SLC38A6: variants seen among roughly 807,000 people sequenced by gnomAD.
SLC38A6 encodes the protein N system amino acid transporter NAT-1.
SLC38A6 carries 73 observed loss-of-function variants against 65.0 expected under a neutral mutation model. The ratio of observed to expected loss-of-function variants is 1.12; its 90% CI spans 0.93 to 1.37. The LOEUF is 1.37. Among genes scored for constraint, SLC38A6 ranks in the 40% most tolerant of loss-of-function variants. SLC38A6 has a pLI of 0.00. For synonymous variants in SLC38A6, 183 were observed against 178.8 expected, an observed-to-expected ratio of 1.02 and a Z score of -0.19; for missense variants, 561 against 531.1, an observed-to-expected ratio of 1.06 and a Z score of -0.55.
intron 5 of SLC38A6, among the ~76,000 whole-genome samples, chr14:61,022,632 T>C (rs1054168371): frequency 6.6e-6 from 1 of 152,102 alleles, no homozygotes; most frequent in Non-Finnish European, 1.5e-5. Flanking sequence ...TTTACACATC[T>C]TAAGTGCCTG....
At chr14:61,036,038 G>A (rs1454703697) in intron 6 of SLC38A6, among the ~76,000 whole-genome samples, 1 of 151,472 alleles carries the variant, frequency 6.6e-6, no homozygotes, top group Non-Finnish European at 1.5e-5. Context: ...TACAATTGGT[G>A]ATTAATGCCC....
chr14:61,013,174 A>G (rs994003874), intron 3 of SLC38A6, among the ~76,000 whole-genome samples: 1 of 152,144 alleles, frequency 6.6e-6, no homozygotes, highest in African/African-American at 2.4e-5. Flanking sequence ...TTGTTGGTTT[A>G]AAGTCTATTT....
At chr14:61,023,658 C>A (rs1009892053) in intron 5 of SLC38A6, among the ~76,000 whole-genome samples, 1 of 150,676 alleles carries the variant, frequency 6.6e-6, no homozygotes, top group African/African-American at 2.4e-5. Context: ...TTAAGAAAAT[C>A]ATATCTTAAT....
intron 3 of SLC38A6, among the ~76,000 whole-genome samples, chr14:61,006,179 A>G (rs1357141976): frequency 6.6e-6 from 1 of 152,242 alleles, no homozygotes; most frequent in Non-Finnish European, 1.5e-5. Flanking sequence ...AAATTAATTC[A>G]AGATGGATTA....
intron 15 of SLC38A6, among the ~76,000 whole-genome samples, chr14:61,061,470 C>A (rs1329566481): frequency 6.6e-6 from 1 of 152,142 alleles, no homozygotes; most frequent in Non-Finnish European, 1.5e-5. Flanking sequence ...AGAGGAGTCC[C>A]TCCTCCTCAA....
In SLC38A6 at chr14:61,019,591, G is replaced by C. The variant is rs751256184; in HGVS notation, c.403+11G>C. 2 of 1,612,336 alleles carry C rather than the reference G, an allele frequency of 1.2e-6. No individual in the cohort carries two copies. Among genetic ancestry groups the C allele is most frequent in the South Asian group, 2.2e-5 (2 of 90,996 alleles). On this transcript the variant is annotated intron_variant, in intron 5 of 15. Coordinates refer to ENST00000267488, the MANE Select transcript of SLC38A6 (RefSeq NM_153811.3). ...TTCAGAATATTGGAGGTAAGCAATT[G>C]CAAGTGCACTGTTTATACATAAATG...
chr14:61,002,489 T>C (rs1265411707), intron 3 of SLC38A6, among the ~76,000 whole-genome samples: 1 of 152,176 alleles, frequency 6.6e-6, no homozygotes, highest in Admixed American at 6.5e-5. Flanking sequence ...ATAATATTGC[T>C]GCTGCTGAAA....
chr14:61,016,579 G>T (rs1317488131), intron 4 of SLC38A6, among the ~76,000 whole-genome samples: 1 of 152,088 alleles, frequency 6.6e-6, no homozygotes, highest in African/African-American at 2.4e-5. Context: ...TTGCAATAGG[G>T]ATACTACACT....
intron 12 of SLC38A6, 87 bp from the exon 13 acceptor site, chr14:61,050,425 T>TA (rs2042439717): frequency 2.3e-6 from 2 of 857,278 alleles, no homozygotes; most frequent in Non-Finnish European, 3.2e-6. Flanking sequence ...TAAAATCTGT[T>TA]ATCATCCATT....
intron 5 of SLC38A6, among the ~76,000 whole-genome samples, chr14:61,020,424 G>C (rs2139583245): frequency 6.6e-6 from 1 of 152,230 alleles, no homozygotes; most frequent in East Asian, 1.9e-4. Flanking sequence ...AAAGATGACA[G>C]TTTTAATAAA....
At chr14:61,077,041 T>C (rs1422670816) in intron 15 of SLC38A6, among the ~76,000 whole-genome samples, 1 of 152,242 alleles carries the variant, frequency 6.6e-6, no homozygotes, top group Non-Finnish European at 1.5e-5. Context: ...TTTGGAACTT[T>C]AGAACGTCAA....
At chr14:61,078,933 C>A in intron 16 of SLC38A6, 1 of 164,362 alleles carries the variant, frequency 6.1e-6, no homozygotes, top group South Asian at 1.5e-4. Context: ...TACAGGTATG[C>A]GCCACCATGC....
intron 8 of SLC38A6, among the ~76,000 whole-genome samples, chr14:61,040,151 G>A (rs934293333): frequency 5.9e-5 from 9 of 151,670 alleles, no homozygotes; most frequent in East Asian, 1.9e-4. Context: ...GTTTTAATAC[G>A]TCGGTAATCC....
chr14:61,046,489 C>A (rs971804616), intron 12 of SLC38A6, among the ~76,000 whole-genome samples: 9 of 152,052 alleles, frequency 5.9e-5, no homozygotes, highest in Non-Finnish European at 1.0e-4. Context: ...ATTTTGAATT[C>A]AATATATTAG....
At chr14:61,080,789 CT>C (rs901793365) in intron 16 of SLC38A6, among the ~76,000 whole-genome samples, 5 of 152,234 alleles carry the variant, frequency 3.3e-5, no homozygotes, top group Non-Finnish European at 5.9e-5. Flanking sequence ...CTCCATTTTA[CT>C]GCCTCAGAAT....
At chr14:60,990,907 C>G (rs2037833784) in intron 3 of SLC38A6, among the ~76,000 whole-genome samples, 1 of 152,150 alleles carries the variant, frequency 6.6e-6, no homozygotes, top group South Asian at 2.1e-4. Context: ...TGTTTTCCAA[C>G]ACCAGCTCAA....
chr14:61,053,344 G>T (rs2042598807), downstream of SLC38A6, among the ~76,000 whole-genome samples: 1 of 151,914 alleles, frequency 6.6e-6, no homozygotes, highest in Non-Finnish European at 1.5e-5. Flanking sequence ...GTGCTACAGT[G>T]AACATTTACG....
intron 3 of SLC38A6, among the ~76,000 whole-genome samples, chr14:61,008,575 C>T (rs1222343376): frequency 6.6e-6 from 1 of 152,074 alleles, no homozygotes; most frequent in Non-Finnish European, 1.5e-5. Flanking sequence ...ACTTTTCAAA[C>T]TATAGGATTA....
chr14:61,028,088 A>G (rs775914529), intron 5 of SLC38A6, among the ~76,000 whole-genome samples: 8 of 152,072 alleles, frequency 5.3e-5, no homozygotes, highest in Non-Finnish European at 1.2e-4. Flanking sequence ...ACAACAAAGG[A>G]TAAAAGTGAT....
Sources: gnomAD v4.1 joint callset for allele counts (sites outside exome capture counted in the v4.1 genomes callset) on GRCh38, gnomAD v4.1.1 for gene constraint, MANE v1.5 for transcripts, NCBI Gene and HGNC (gene_info 2026-07-23, HGNC 2026-07-21) for gene names.